The following DLG2 variants were observed in gnomAD, a reference collection of about 807,000 sequenced individuals.
DLG2 encodes discs large MAGUK scaffold protein 2, also known as disks large homolog 2.
DLG2 carries 45 observed loss-of-function variants against 132.5 expected under a neutral mutation model. The ratio of observed to expected loss-of-function variants is 0.34; its 90% confidence interval spans 0.27 to 0.44. The LOEUF is 0.44. DLG2 is among the 20% of genes least tolerant of loss of function. The pLI is 1.00. For missense variants in DLG2, 1,045 were observed against 1,196.9 expected (o/e 0.87, Z 1.87); for synonymous variants, 424 against 419.6 (o/e 1.01, Z -0.13).
At chr11:84,691,353 C>T (rs908197049) in intron 6 of DLG2, among the ~76,000 whole-genome samples, 10 of 151,584 alleles carry the variant, frequency 6.6e-5, no homozygotes, top group South Asian at 2.1e-4. Context: ...GAACAGGCAA[C>T]GACTTAGACA....
chr11:84,169,522 C>T (rs1303443374), intron 8 of DLG2, among the ~76,000 whole-genome samples: 1 of 152,122 alleles, frequency 6.6e-6, no homozygotes, highest in Admixed American at 6.6e-5. Context: ...AGATGCACTG[C>T]CTTGTGTATA....
intron 10 of DLG2, among the ~76,000 whole-genome samples, chr11:84,089,882 G>A (rs542227089): frequency 3.9e-5 from 6 of 152,156 alleles, no homozygotes; most frequent in Admixed American, 2.0e-4. Flanking sequence ...TTTAATAAAC[G>A]CACTCTTGTG....
At chr11:85,126,688 G>T (rs140937077) in intron 5 of DLG2, among the ~76,000 whole-genome samples, 43 of 152,054 alleles carry the variant, frequency 2.8e-4, no homozygotes, top group Non-Finnish European at 4.9e-4. Context: ...GGAATGACAA[G>T]AATTAGAACC....
At chr11:84,599,528 T>C (rs958333123) in intron 6 of DLG2, among the ~76,000 whole-genome samples, 7 of 152,188 alleles carry the variant, frequency 4.6e-5, no homozygotes, top group Non-Finnish European at 1.0e-4. Flanking sequence ...CTATTTTAAA[T>C]GCTTTGTGTC....
At chr11:83,850,192 C>T (rs2059478543) in intron 16 of DLG2, among the ~76,000 whole-genome samples, 1 of 145,212 alleles carries the variant, frequency 6.9e-6, no homozygotes, top group African/African-American at 2.6e-5. Flanking sequence ...CTCACTCTGT[C>T]TCCCAGGCTG....
chr11:83,457,873 T>C lies in DLG2; in HGVS notation c.*1945A>G, dbSNP rs1050212876. ...GGAGAATGCATTGCTAGCCCTTCCA[T>C]TGGCAAAGGAAGCCTCAGGACTATG... On this transcript the variant is annotated 3_prime_UTR_variant, in exon 28 of 28. Coordinates refer to ENST00000376104, the MANE Select transcript of DLG2 (RefSeq NM_001142699.3). 1 of 152,658 alleles carries C rather than the reference T, an allele frequency of 6.6e-6. No homozygotes were observed. Among genetic ancestry groups the C allele is most frequent in the African/African-American group, 2.4e-5 (1 of 41,450 alleles). 9.5% of individuals were successfully genotyped at this position (152,658 alleles called of 1,614,324 possible).
In DLG2 at chr11:83,687,239, T is replaced by C. The variant is rs77139342; in HGVS notation, c.1826-53914A>G. On this transcript the variant is annotated intron_variant, in intron 18 of 27. Coordinates refer to ENST00000376104, the MANE Select transcript of DLG2 (RefSeq NM_001142699.3). ...CTAAGCCACCCAGTTTACGGTACTT[T>C]GTTACAGCAGCCTTAGGAAATGAGT... Among the ~76,000 whole-genome samples, 180 of 152,312 alleles carry C rather than the reference T, an allele frequency of 1.2e-3. 1 individual carries two copies. The highest frequency in any genetic ancestry group is 4.2e-3 in the African/African-American group (176 of 41,568).
chr11:83,704,741 C>G (rs1484259780), intron 18 of DLG2, among the ~76,000 whole-genome samples: 1 of 151,730 alleles, frequency 6.6e-6, no homozygotes, highest in African/African-American at 2.4e-5. Context: ...GCAGGAGAAT[C>G]ACTTGAACCT....
chr11:85,440,265 G>C (rs979683091), intron 3 of DLG2, among the ~76,000 whole-genome samples: 5 of 152,072 alleles, frequency 3.3e-5, no homozygotes, highest in African/African-American at 1.2e-4. Flanking sequence ...TGTAACAATT[G>C]CTGTGTCTCA....
rs771181420 is a variant in DLG2 at position 83,484,138 on chromosome 11, C to T, written c.2284G>A (p.Asp762Asn). 1.2e-6 allele frequency: 2 copies of T among 1,612,684 alleles called. No individual in the cohort carries two copies. The highest frequency in any genetic ancestry group is 1.7e-6 in the Non-Finnish European group (2 of 1,179,012). Residue 762 changes from aspartate to asparagine, a missense_variant, in exon 22 of 28, where the codon GAT (aspartate) becomes AAT (asparagine). By Grantham distance (23) the Asp-to-Asn change is conservative. Transcript: ENST00000376104. Reference protein sequence around the residue: ...NKEQSEQETSDPERGQEDLIL... With the variant: ...NKEQSEQETSNPERGQEDLIL... Reference sequence around the variant, plus strand: ...TTCAGAATCTACTTACGTTCAGGATCACTGGTTTCCTGCTCACTCTGCTCC... The same window carrying T: ...TTCAGAATCTACTTACGTTCAGGATTACTGGTTTCCTGCTCACTCTGCTCC...
At chr11:84,479,310 G>T (rs1473029872) in intron 7 of DLG2, among the ~76,000 whole-genome samples, 1 of 152,100 alleles carries the variant, frequency 6.6e-6, no homozygotes, top group Middle Eastern at 3.2e-3. Context: ...TTAGGTTTGA[G>T]TCAAGAGAAG....
At chr11:84,984,380 TAA>T (rs1455406577) in intron 6 of DLG2, among the ~76,000 whole-genome samples, 6 of 152,288 alleles carry the variant, frequency 3.9e-5, no homozygotes, top group Admixed American at 3.9e-4. Context: ...CCAGTGAAAC[TAA>T]GTTTCATAAA....
At chr11:83,801,467 T>C in intron 17 of DLG2, among the ~76,000 whole-genome samples, 1 of 152,214 alleles carries the variant, frequency 6.6e-6, no homozygotes, top group Non-Finnish European at 1.5e-5. Context: ...TATTCCATCT[T>C]ATTCCACTCT....
intron 6 of DLG2, among the ~76,000 whole-genome samples, chr11:84,811,210 A>G (rs1447335250): frequency 6.6e-6 from 1 of 151,914 alleles, no homozygotes; most frequent in African/African-American, 2.4e-5. Flanking sequence ...CTTCCACCTC[A>G]CCTCCTGTAC....
At chr11:83,514,802 C>CATT (rs1351322281) in intron 21 of DLG2, among the ~76,000 whole-genome samples, 3 of 152,128 alleles carry the variant, frequency 2.0e-5, no homozygotes, top group Admixed American at 6.5e-5. Flanking sequence ...TGGTTTTTGT[C>CATT]ATTGGTTCTG....
intron 8 of DLG2, among the ~76,000 whole-genome samples, chr11:84,226,980 G>A (rs760999221): frequency 3.9e-5 from 6 of 152,006 alleles, no homozygotes; most frequent in East Asian, 1.9e-4. Context: ...CAATCACTCC[G>A]GAGGCTGGGG....
At chr11:84,110,815 T>G (rs1357718277) in intron 9 of DLG2, among the ~76,000 whole-genome samples, 1 of 152,140 alleles carries the variant, frequency 6.6e-6, no homozygotes, top group Non-Finnish European at 1.5e-5. Context: ...GTGAAGCACA[T>G]CCTCATGACT....
chr11:83,600,329 T>C (rs1357859015), intron 19 of DLG2, among the ~76,000 whole-genome samples: 1 of 151,986 alleles, frequency 6.6e-6, no homozygotes, highest in Non-Finnish European at 1.5e-5. Context: ...CTCTTTCCTG[T>C]TCCTATTGGA....
intron 10 of DLG2, among the ~76,000 whole-genome samples, chr11:84,073,346 A>G (rs2096783320): frequency 6.6e-6 from 1 of 150,480 alleles, no homozygotes; most frequent in Non-Finnish European, 1.5e-5. Context: ...AGCATTAAGA[A>G]AAAAAAAAAG....
Sources: allele counts gnomAD v4.1 joint callset (sites outside exome capture counted in the v4.1 genomes callset), GRCh38; gene constraint gnomAD v4.1.1; transcripts MANE v1.5; gene names NCBI Gene and HGNC (gene_info 2026-07-23, HGNC 2026-07-21).